PHACTR1: variants seen among roughly 807,000 people sequenced by gnomAD.
The protein encoded by PHACTR1 is RPEL repeat containing 1.
Under a neutral mutation model 69.2 loss-of-function variants are expected in PHACTR1, and 16 were observed. The observed-to-expected ratio is 0.23, with a 90% CI of 0.16 to 0.35. The LOEUF is 0.35. PHACTR1 is among the 10% of genes least tolerant of loss of function. The pLI is 1.00. For missense variants in PHACTR1, 510 were observed against 734.7 expected, an observed-to-expected ratio of 0.69 and a Z score of 3.54; for synonymous variants, 312 against 284.5, an observed-to-expected ratio of 1.10 and a Z score of -0.97.
chr6:12,921,040 G>T (rs1366405354), intron 4 of PHACTR1, among the ~76,000 whole-genome samples: 1 of 152,184 alleles, frequency 6.6e-6, no homozygotes. Flanking sequence ...CCAGTTCAGA[G>T]CTAGGACTAG....
intron 11 of PHACTR1, among the ~76,000 whole-genome samples, chr6:13,276,875 C>T (rs977926448): frequency 1.1e-4 from 16 of 151,562 alleles, no homozygotes; most frequent in African/African-American, 3.9e-4. Context: ...ACCAATACAA[C>T]AAACTAATGA....
intron 5 of PHACTR1, among the ~76,000 whole-genome samples, chr6:13,144,136 C>A (rs1822919783): frequency 1.3e-5 from 2 of 152,122 alleles, no homozygotes; most frequent in African/African-American, 4.8e-5. Context: ...GAAGGATATT[C>A]TCCTGAAATT....
At chr6:12,788,162 TA>T (rs5874379) in intron 4 of PHACTR1, among the ~76,000 whole-genome samples, 62,339 of 138,602 alleles carry the variant, frequency 0.45, 13,835 homozygotes, top group African/African-American at 0.54. Context: ...AATCTCAAAT[TA>T]AAAAAAAAAA....
intron 4 of PHACTR1, among the ~76,000 whole-genome samples, chr6:12,929,790 T>C (rs2210513): frequency 0.19 from 29,272 of 152,146 alleles, 6,729 homozygotes; most frequent in African/African-American, 0.55. Context: ...CTGATCAGCC[T>C]CTACTGAGAT....
intron 4 of PHACTR1, among the ~76,000 whole-genome samples, chr6:13,052,139 G>A (rs1019421769): frequency 2.0e-5 from 3 of 152,274 alleles, no homozygotes; most frequent in Admixed American, 2.0e-4. Context: ...TACTTCTGAC[G>A]TGTCTCTCAA....
intron 4 of PHACTR1, among the ~76,000 whole-genome samples, chr6:12,786,642 T>C (rs1264788441): frequency 6.6e-6 from 1 of 152,220 alleles, no homozygotes; most frequent in Non-Finnish European, 1.5e-5. Context: ...ACCTGGAAAT[T>C]GTTGTTCTAA....
intron 5 of PHACTR1, among the ~76,000 whole-genome samples, chr6:13,063,809 G>T (rs537141379): frequency 6.6e-6 from 1 of 152,012 alleles, no homozygotes; most frequent in East Asian, 1.9e-4. Flanking sequence ...ACTTGAAAAG[G>T]ATTGTTGGGG....
At chr6:12,982,362 T>G (rs370916325) in intron 4 of PHACTR1, among the ~76,000 whole-genome samples, 15 of 152,348 alleles carry the variant, frequency 9.8e-5, no homozygotes, top group African/African-American at 3.6e-4. Flanking sequence ...TTTCTACTAC[T>G]TGTCAGTTGT....
chr6:12,820,438 C>T (rs1258412586), intron 4 of PHACTR1, among the ~76,000 whole-genome samples: 1 of 152,168 alleles, frequency 6.6e-6, no homozygotes, highest in Admixed American at 6.5e-5. Context: ...CCTCAGCCTC[C>T]CAAAATGCTA....
chr6:12,799,072 C>T (rs970331754), intron 4 of PHACTR1, among the ~76,000 whole-genome samples: 5 of 152,148 alleles, frequency 3.3e-5, no homozygotes, highest in Non-Finnish European at 7.3e-5. Flanking sequence ...AGTGAAAAGG[C>T]TAAGTGACAA....
intron 3 of PHACTR1, among the ~76,000 whole-genome samples, chr6:12,745,030 T>C (rs552902790): frequency 7.9e-5 from 12 of 152,254 alleles, no homozygotes; most frequent in South Asian, 4.2e-4. Context: ...TAGGTTCAGA[T>C]TGGGGGCCTG....
intron 7 of PHACTR1, among the ~76,000 whole-genome samples, chr6:13,205,501 C>G (rs1219065719): frequency 2.0e-5 from 3 of 152,214 alleles, no homozygotes. Context: ...AGCAGAAGAG[C>G]TCATCACATG....
rs75511991 is a variant in PHACTR1, at chr6:12,965,924, A to G, written c.251-87441A>G. On this transcript the variant is annotated intron_variant, in intron 4 of 14. Coordinates refer to ENST00000332995, the MANE Select transcript of PHACTR1 (RefSeq NM_030948.6). ...ACTTGTCGGAAGCTGCACAGCTAGCATGAACTCAGACTGGAATGTCATAAA... is the reference window on the plus strand; with the variant it reads ...ACTTGTCGGAAGCTGCACAGCTAGCGTGAACTCAGACTGGAATGTCATAAA... Among the ~76,000 whole-genome samples, 258 of 152,338 alleles carry G rather than the reference A, an allele frequency of 1.7e-3. 2 individuals carry two copies. The highest frequency in any genetic ancestry group is 5.8e-3 in the African/African-American group (242 of 41,574).
At chr6:13,253,813 T>C (rs1562073655) in intron 10 of PHACTR1, among the ~76,000 whole-genome samples, 1 of 152,192 alleles carries the variant, frequency 6.6e-6, no homozygotes. Flanking sequence ...GCCTCCACAT[T>C]GGGCAGTGGC....
At chr6:13,112,375 T>G (rs148589943) in intron 5 of PHACTR1, among the ~76,000 whole-genome samples, 11 of 152,332 alleles carry the variant, frequency 7.2e-5, no homozygotes, top group African/African-American at 2.2e-4. Context: ...ATGATTTAAA[T>G]TCCTTTGGGT....
intron 3 of PHACTR1, 55 bp downstream of exon 3, chr6:12,718,902 C>A: frequency 9.0e-7 from 1 of 1,106,386 alleles, no homozygotes; most frequent in Non-Finnish European, 1.3e-6. Context: ...TTTATATGAA[C>A]AGCCATGTAG....
chr6:13,037,103 G>A (rs1803430823), intron 4 of PHACTR1, among the ~76,000 whole-genome samples: 1 of 152,092 alleles, frequency 6.6e-6, no homozygotes, highest in Admixed American at 6.6e-5. Context: ...CAGGCTCCAG[G>A]CCTGATTACC....
intron 4 of PHACTR1, among the ~76,000 whole-genome samples, chr6:12,786,276 T>C (rs1354913210): frequency 6.6e-6 from 1 of 152,246 alleles, no homozygotes; most frequent in Non-Finnish European, 1.5e-5. Context: ...CTCGTGTTTC[T>C]TGCACATTCA....
At chr6:13,004,170 T>C (rs1421038225) in intron 4 of PHACTR1, among the ~76,000 whole-genome samples, 1 of 151,644 alleles carries the variant, frequency 6.6e-6, no homozygotes, top group Non-Finnish European at 1.5e-5. Context: ...GGTAGATCTA[T>C]TTTTAGTTCC....
Sources: gnomAD v4.1 joint callset for allele counts (sites outside exome capture counted in the v4.1 genomes callset) on GRCh38, gnomAD v4.1.1 for gene constraint, MANE v1.5 for transcripts, NCBI Gene and HGNC (gene_info 2026-07-23, HGNC 2026-07-21) for gene names.